The following VWA2 variants were observed in gnomAD, a reference collection of about 807,000 sequenced individuals.
VWA2 encodes the protein von Willebrand factor A domain-containing protein 2.
In VWA2, 73 loss-of-function variants were observed where a neutral mutation model predicts 70.4. That is an observed-to-expected ratio of 1.04 (90% CI 0.86 to 1.26). The LOEUF (loss-of-function observed/expected upper bound fraction) is 1.26, where lower values mean the gene tolerates loss of function less well. Ranked by LOEUF, VWA2 falls within the 50% of genes most tolerant of loss-of-function variation. The probability of loss-of-function intolerance (pLI) is 0.00; values close to 1 mark genes in which losing one functional copy is unlikely to be tolerated. For missense variants in VWA2, 1,011 were observed against 998.5 expected, an observed-to-expected ratio of 1.01 and a Z score of -0.17; for synonymous variants, 407 against 423.3, an observed-to-expected ratio of 0.96 and a Z score of 0.47.
chr10:114,287,499 C>T (rs952948029), intron 11 of VWA2, among the ~76,000 whole-genome samples: 11 of 152,098 alleles, frequency 7.2e-5, no homozygotes, highest in Non-Finnish European at 4.4e-5. Context: ...TCCTGGAGTT[C>T]TCCCCTTGGT....
At chr10:114,259,636 A>G (rs1422662696) in intron 4 of VWA2, among the ~76,000 whole-genome samples, 6 of 152,076 alleles carry the variant, frequency 3.9e-5, no homozygotes, top group African/African-American at 1.4e-4. Flanking sequence ...TCTTGAATTC[A>G]TTTGCAGTTT....
rs920481643 is a variant in VWA2, at chr10:114,271,595, C to G, written c.372-1145C>G. ...GGCAGGAGGACTCATGTCAGACTTG[C>G]ATGAGAAGTAAAAACACACACACAC... On this transcript the variant is annotated intron_variant, in intron 5 of 13. Coordinates refer to ENST00000392982, the MANE Select transcript of VWA2 (RefSeq NM_001272046.2). Among the ~76,000 whole-genome samples, 3 of 142,224 alleles carry G rather than the reference C, an allele frequency of 2.1e-5. No individual in the cohort carries two copies. The South Asian group carries it at 6.5e-4, about 31-fold the overall frequency. 93.3% of individuals were successfully genotyped at this position (142,224 alleles called of 152,430 possible).
chr10:114,254,910 C>T lies in VWA2; in HGVS notation c.128-5C>T. On this transcript the variant is annotated splice_region_variant and splice_polypyrimidine_tract_variant and intron_variant, in intron 3 of 13. Transcript: ENST00000392982. ...GTTGTCATCTGTCTGTCCCGCTCTC[C>T]CTAGTGATGTGGTGCTCGGCTGCAG... 1 of 1,613,050 alleles carries T rather than the reference C, an allele frequency of 6.2e-7. No individual in the cohort carries two copies. Among genetic ancestry groups the T allele is most frequent in the Non-Finnish European group, 8.5e-7 (1 of 1,179,720 alleles).
intron 2 of VWA2, 139 bp downstream of exon 2, chr10:114,248,904 C>A: frequency 1.2e-6 from 1 of 822,650 alleles, no homozygotes; most frequent in Non-Finnish European, 2.1e-6. Flanking sequence ...CTCCCTAGTC[C>A]AAGCCATGTC....
At chr10:114,245,455 G>A (rs1350261963) in intron 1 of VWA2, among the ~76,000 whole-genome samples, 3 of 152,060 alleles carry the variant, frequency 2.0e-5, no homozygotes, top group Non-Finnish European at 4.4e-5. Context: ...CAGTGCCCAG[G>A]GTCAGAAGCT....
intron 5 of VWA2, among the ~76,000 whole-genome samples, chr10:114,270,301 G>A (rs1042435448): frequency 6.6e-6 from 1 of 152,200 alleles, no homozygotes; most frequent in Non-Finnish European, 1.5e-5. Context: ...CACCACTCAT[G>A]AGCGGCATAA....
intron 6 of VWA2, among the ~76,000 whole-genome samples, chr10:114,276,956 G>C (rs752248043): frequency 6.6e-6 from 1 of 152,100 alleles, no homozygotes; most frequent in Non-Finnish European, 1.5e-5. Context: ...GACCGTGGCT[G>C]TGCAACGCCT....
intron 1 of VWA2, among the ~76,000 whole-genome samples, chr10:114,241,531 G>A (rs1447558956): frequency 6.6e-6 from 1 of 152,102 alleles, no homozygotes; most frequent in African/African-American, 2.4e-5. Flanking sequence ...GCTTTTTAAT[G>A]AGCATCATAA....
chr10:114,260,440 G>C (rs1415936507), intron 4 of VWA2, among the ~76,000 whole-genome samples: 1 of 152,214 alleles, frequency 6.6e-6, no homozygotes, highest in East Asian at 1.9e-4. Flanking sequence ...CTGTGGTCTA[G>C]AGACCTGGCC....
chr10:114,243,151 C>T (rs776463441), intron 1 of VWA2, among the ~76,000 whole-genome samples: 1 of 152,234 alleles, frequency 6.6e-6, no homozygotes, highest in African/African-American at 2.4e-5. Flanking sequence ...CATGAACTCT[C>T]TTCTGGCTAA....
intron 1 of VWA2, among the ~76,000 whole-genome samples, chr10:114,240,639 G>A (rs756984468): frequency 2.6e-5 from 4 of 152,188 alleles, no homozygotes; most frequent in Non-Finnish European, 5.9e-5. Context: ...AAGAAATGTC[G>A]ATTTATTGAA....
intron 4 of VWA2, among the ~76,000 whole-genome samples, chr10:114,258,237 C>A (rs1466836563): frequency 6.6e-6 from 1 of 152,144 alleles, no homozygotes; most frequent in Non-Finnish European, 1.5e-5. Flanking sequence ...TCTCCATGTA[C>A]AAGGCATTTC....
chr10:114,252,396 T>C (rs968646337), intron 2 of VWA2, among the ~76,000 whole-genome samples: 1 of 151,906 alleles, frequency 6.6e-6, no homozygotes, highest in African/African-American at 2.4e-5. Context: ...CTCAAAGATA[T>C]GGTATGGGGA....
rs375243413 is a variant in VWA2 at position 114,251,400 on chromosome 10, CAGTT to C, written c.53-2244_53-2241del. On this transcript the variant is annotated intron_variant, in intron 2 of 13. Coordinates refer to ENST00000392982, the MANE Select transcript of VWA2 (RefSeq NM_001272046.2). ...CAGCTGAGCACAGGGCACAGAGGCA[CAGTT>C]AGTTAGCTGAGTGACATCTTTAGTG... Among the ~76,000 whole-genome samples, 255 of 152,324 alleles carry C rather than the reference CAGTT, an allele frequency of 1.7e-3. 1 individual carries two copies. Among genetic ancestry groups the C allele is most frequent in the African/African-American group, 5.9e-3 (247 of 41,584 alleles).
At chr10:114,287,129 A>T (rs972992018) in intron 11 of VWA2, among the ~76,000 whole-genome samples, 6 of 152,208 alleles carry the variant, frequency 3.9e-5, no homozygotes, top group African/African-American at 1.4e-4. Context: ...TCTAGAGAAC[A>T]CTGTCCCCAC....
At chr10:114,264,387 GCATAGCAGGT>G (rs71007466) in intron 5 of VWA2, among the ~76,000 whole-genome samples, 12,500 of 151,988 alleles carry the variant, frequency 0.082, 594 homozygotes, top group Middle Eastern at 0.15. Context: ...AAGAAGCCAG[GCATAGCAGGT>G]CATATACTAT....
intron 5 of VWA2, among the ~76,000 whole-genome samples, chr10:114,268,023 G>C (rs1287822560): frequency 2.0e-5 from 3 of 152,058 alleles, no homozygotes; most frequent in Non-Finnish European, 4.4e-5. Context: ...CCACCCACTA[G>C]GTCCTCAGAG....
intron 7 of VWA2, 95 bp from the exon 8 acceptor site, chr10:114,278,624 C>T: frequency 6.4e-7 from 1 of 1,560,186 alleles, no homozygotes; most frequent in Non-Finnish European, 8.7e-7. Flanking sequence ...GGTGGAACCT[C>T]CCAGGAGCGG....
chr10:114,293,481 G>GAAAC lies in VWA2; in HGVS notation c.*2246_*2249dup, dbSNP rs1415581481. ...TGTAGGAAATGGGTTTCTCGCCTTTGAAACATTTTTTCCCCTTTTGTAGTG... is the reference window on the plus strand; with the variant it reads ...TGTAGGAAATGGGTTTCTCGCCTTTGAAACAAACATTTTTTCCCCTTTTGTAGTG... On this transcript the variant is annotated 3_prime_UTR_variant, in exon 14 of 14. Transcript: ENST00000392982. Among the ~76,000 whole-genome samples the GAAAC allele has an allele frequency of 6.6e-6, 1 of 152,150 alleles. No individual in the cohort carries two copies.
Sources: gnomAD v4.1 joint callset for allele counts (sites outside exome capture counted in the v4.1 genomes callset) on GRCh38, gnomAD v4.1.1 for gene constraint, MANE v1.5 for transcripts, NCBI Gene and HGNC (gene_info 2026-07-23, HGNC 2026-07-21) for gene names.